CLGN: variants seen among roughly 807,000 people sequenced by gnomAD.
CLGN encodes the protein calmegin.
CLGN carries 62 observed loss-of-function variants against 79.1 expected under a neutral mutation model. The observed-to-expected ratio is 0.78, with a 90% CI of 0.64 to 0.97. The LOEUF (loss-of-function observed/expected upper bound fraction) is 0.97, where lower values mean the gene tolerates loss of function less well. Ranked by LOEUF, CLGN falls within the 50% of genes least tolerant of loss-of-function variation. The pLI is 0.00. For synonymous variants in CLGN, 225 were observed against 224.7 expected (o/e 1.00, Z -0.01); for missense variants, 647 against 715.5 (o/e 0.90, Z 1.09).
At chr4:140,395,064 CT>C (rs1728845583) in intron 10 of CLGN, among the ~76,000 whole-genome samples, 1 of 151,974 alleles carries the variant, frequency 6.6e-6, no homozygotes. Context: ...GTAATCTCAG[CT>C]ACGTAGGAGG....
intron 1 of CLGN, among the ~76,000 whole-genome samples, chr4:140,418,537 G>A (rs1246470008): frequency 6.1e-5 from 9 of 147,374 alleles, no homozygotes; most frequent in African/African-American, 1.8e-4. Flanking sequence ...CAAAAAGTGG[G>A]CGAAGGACAT....
chr4:140,405,815 TTTAAC>T, intron 5 of CLGN, 122 bp downstream of exon 5: 1 of 876,982 alleles, frequency 1.1e-6, no homozygotes, highest in Non-Finnish European at 1.7e-6. Flanking sequence ...ACATTTGTGT[TTTAAC>T]TAAGTGAAAC....
At chr4:140,413,665 G>A (rs958099629) in intron 1 of CLGN, among the ~76,000 whole-genome samples, 4 of 152,186 alleles carry the variant, frequency 2.6e-5, no homozygotes, top group African/African-American at 4.8e-5. Flanking sequence ...AAAAAACGGC[G>A]CACCACGAGA....
chr4:140,411,746 T>C, intron 2 of CLGN, among the ~76,000 whole-genome samples: 1 of 152,120 alleles, frequency 6.6e-6, no homozygotes, highest in African/African-American at 2.4e-5. Context: ...AAACTGCCAA[T>C]CTTCTATGAA....
chr4:140,393,028 T>C lies in CLGN; in HGVS notation c.1366-317A>G, dbSNP rs1049782229. 2.0e-5 allele frequency among the ~76,000 whole-genome samples: 3 copies of C among 152,116 alleles called. No individual in the cohort carries two copies. In the South Asian group the frequency reaches 6.2e-4, roughly 31 times the overall value. ...AACTACCTTTTATGGATGTATTACC[T>C]GGTTTATTTGAAGTGATCATTCATT... On this transcript the variant is annotated intron_variant, in intron 11 of 14. Coordinates refer to ENST00000325617, the MANE Select transcript of CLGN (RefSeq NM_004362.3).
At chr4:140,418,566 A>G (rs2126633134) in intron 1 of CLGN, among the ~76,000 whole-genome samples, 1 of 149,208 alleles carries the variant, frequency 6.7e-6, no homozygotes, top group East Asian at 1.9e-4. Flanking sequence ...ACTTCTCAAA[A>G]GAAGATATTT....
chr4:140,398,794 G>T, intron 8 of CLGN, 57 bp downstream of exon 8: 2 of 1,439,924 alleles, frequency 1.4e-6, no homozygotes, highest in Non-Finnish European at 1.9e-6. Flanking sequence ...TCACTTATAT[G>T]TTGTTTCATT....
Position 140,392,208 on chromosome 4 carries a change from C to T in CLGN, c.1651+11G>A, listed in dbSNP as rs1280672286. The T allele has an allele frequency of 1.2e-6, 2 of 1,611,288 alleles. No homozygotes were observed. Among genetic ancestry groups the T allele is most frequent in the Non-Finnish European group, 1.7e-6 (2 of 1,178,952 alleles). On this transcript the variant is annotated intron_variant, in intron 13 of 14. Coordinates refer to ENST00000325617, the MANE Select transcript of CLGN (RefSeq NM_004362.3). ...CAGAGTCTCCATTATAAATCACTCT[C>T]ATCATCTTACCTTTTTCAAGCATTT...
At chr4:140,402,682 T>G (rs560059624) in intron 5 of CLGN, among the ~76,000 whole-genome samples, 42 of 150,920 alleles carry the variant, frequency 2.8e-4, no homozygotes, top group Non-Finnish European at 5.6e-4. Flanking sequence ...GAGTCTCTTA[T>G]GAATTTACAA....
Position 140,399,036 on chromosome 4 carries a change from C to T in CLGN, c.699G>A (p.Met233Ile), listed in dbSNP as rs751202437. Reference protein sequence around the residue: ...DRKTHLYTLVMNPDDTFEVLV... With the variant: ...DRKTHLYTLVINPDDTFEVLV... ...ACACCTCAAATGTGTCATCTGGATT[C>T]ATCACTAAGGGACCAATTTAAATAA... is the stretch of plus-strand genomic sequence containing the variant. Residue 233 changes from methionine (M) to isoleucine (I), a missense_variant, in exon 8 of 15, where the codon ATG becomes ATA. By Grantham distance (10) the Met-to-Ile change is conservative (BLOSUM62 1). Transcript: ENST00000325617. 1 of 1,605,476 alleles carries T rather than the reference C, an allele frequency of 6.2e-7. No homozygotes were observed. Among genetic ancestry groups the T allele is most frequent in the South Asian group, 1.1e-5 (1 of 88,838 alleles).
Position 140,393,868 on chromosome 4 carries a change from T to C in CLGN, c.1323A>G (p.Ala441=). 1.2e-6 allele frequency: 2 copies of C among 1,613,752 alleles called. No individual in the cohort carries two copies. Among genetic ancestry groups the C allele is most frequent in the Non-Finnish European group, 1.7e-6 (2 of 1,179,784 alleles). Reference sequence around the variant, plus strand: ...TCATTATTTTCCATCTCCAACCATCTGCAGCCCAGTGATCTGCTACTTCCT... The same window carrying C: ...TCATTATTTTCCATCTCCAACCATCCGCAGCCCAGTGATCTGCTACTTCCT... ...SEKEVADHWA[A]DGWRWKIMIA... Residue 441 remains alanine (A), a synonymous_variant, in exon 11 of 15, where the codon GCA becomes GCG. Coordinates refer to ENST00000325617, the MANE Select transcript of CLGN (RefSeq NM_004362.3).
At chr4:140,420,979 G>A (rs1313069180) in intron 1 of CLGN, among the ~76,000 whole-genome samples, 1 of 152,002 alleles carries the variant, frequency 6.6e-6, no homozygotes, top group Middle Eastern at 3.2e-3. Flanking sequence ...TCCAGCCCCT[G>A]GAAACCATCT....
intron 1 of CLGN, among the ~76,000 whole-genome samples, chr4:140,424,106 AG>A (rs1729519619): frequency 6.6e-6 from 1 of 152,054 alleles, no homozygotes; most frequent in African/African-American, 2.4e-5. Flanking sequence ...GGTGTAAGTT[AG>A]GTTGTTAACT....
At chr4:140,420,679 T>C (rs1335852372) in intron 1 of CLGN, among the ~76,000 whole-genome samples, 1 of 152,188 alleles carries the variant, frequency 6.6e-6, no homozygotes, top group African/African-American at 2.4e-5. Flanking sequence ...TCTTGAAATC[T>C]GTCTCACAAT....
chr4:140,427,362 G>A (rs1729590053), intron 1 of CLGN, among the ~76,000 whole-genome samples, 175 bp downstream of exon 1: 1 of 152,204 alleles, frequency 6.6e-6, no homozygotes, highest in African/African-American at 2.4e-5. Flanking sequence ...ACCCTAGCTC[G>A]CTGCAGCCCC....
rs748992973 is a variant in CLGN, at chr4:140,389,016, C to A, written c.*208G>T. ...TCTCTTAGATCCGATATGTAATGTG[C>A]CACTTTTATTCTAAATTCAAAGATG... On this transcript the variant is annotated 3_prime_UTR_variant, in exon 15 of 15. Coordinates refer to ENST00000325617, the MANE Select transcript of CLGN (RefSeq NM_004362.3). The A allele has an allele frequency of 4.6e-5, 25 of 540,030 alleles. No homozygotes were observed. Among genetic ancestry groups the A allele is most frequent in the Non-Finnish European group, 7.6e-5 (23 of 303,080 alleles). The allele number at this position is 540,030 out of a possible 1,614,324, so 33.5% of individuals were successfully genotyped here. A position where few individuals can be genotyped will look rare whatever the true frequency, so the allele number is the denominator to read the frequency against.
chr4:140,410,981 A>G (rs1009928856), intron 2 of CLGN, among the ~76,000 whole-genome samples: 2 of 152,096 alleles, frequency 1.3e-5, no homozygotes, highest in African/African-American at 4.8e-5. Flanking sequence ...TAGTAAGCAC[A>G]TAGGCTTTTA....
At chr4:140,413,515 G>A (rs1245927301) in intron 1 of CLGN, among the ~76,000 whole-genome samples, 3 of 152,234 alleles carry the variant, frequency 2.0e-5, no homozygotes, top group Admixed American at 6.5e-5. Flanking sequence ...TGCGTGAGCC[G>A]AAGCAGGGCG....
At chr4:140,395,480 T>C (rs1162544920) in intron 10 of CLGN, among the ~76,000 whole-genome samples, 1 of 152,172 alleles carries the variant, frequency 6.6e-6, no homozygotes, top group Non-Finnish European at 1.5e-5. Context: ...AAATAATAAG[T>C]ACATTAATTA....
Sources: gnomAD v4.1 joint callset for allele counts (sites outside exome capture counted in the v4.1 genomes callset) on GRCh38, gnomAD v4.1.1 for gene constraint, MANE v1.5 for transcripts, NCBI Gene and HGNC (gene_info 2026-07-23, HGNC 2026-07-21) for gene names.